ATP8A2: variants seen among roughly 807,000 people sequenced by gnomAD.
The protein encoded by ATP8A2 is ATPase phospholipid transporting 8A2, also known as phospholipid-transporting ATPase IB.
A neutral mutation model predicts 165.6 loss-of-function variants in ATP8A2; 100 were observed. The observed-to-expected ratio is 0.60, with a 90% CI of 0.51 to 0.71. The LOEUF (loss-of-function observed/expected upper bound fraction) is 0.71. Among genes scored for constraint, ATP8A2 ranks in the 30% least tolerant of loss-of-function variants. The probability of loss-of-function intolerance (pLI) is 0.00; values close to 1 mark genes in which losing one functional copy is unlikely to be tolerated. For synonymous variants in ATP8A2, 543 were observed against 548.8 expected (o/e 0.99, Z 0.15); for missense variants, 1,227 against 1,479.5 (o/e 0.83, Z 2.80).
intron 1 of ATP8A2, among the ~76,000 whole-genome samples, chr13:25,434,993 T>G (rs1040788907): frequency 6.6e-6 from 1 of 152,212 alleles, no homozygotes; most frequent in Non-Finnish European, 1.5e-5. Context: ...TCAGGCCCTC[T>G]GCTCTTCTTG....
chr13:25,773,653 AAGG>A (rs1405101857), intron 26 of ATP8A2, among the ~76,000 whole-genome samples: 1 of 152,194 alleles, frequency 6.6e-6, no homozygotes, highest in Non-Finnish European at 1.5e-5. Context: ...GGAGGCAAAA[AAGG>A]AGAAGACAAA....
At chr13:25,374,372 A>C (rs920025935) in intron 1 of ATP8A2, among the ~76,000 whole-genome samples, 7 of 152,248 alleles carry the variant, frequency 4.6e-5, no homozygotes, top group African/African-American at 1.7e-4. Flanking sequence ...GTAACAGGAC[A>C]GGAACTGGAA....
At chr13:25,600,598 T>G (rs1246705002) in intron 24 of ATP8A2, among the ~76,000 whole-genome samples, 2 of 152,180 alleles carry the variant, frequency 1.3e-5, no homozygotes, top group Non-Finnish European at 2.9e-5. Context: ...CAGAGCACTA[T>G]TGCTGCTACC....
intron 36 of ATP8A2, among the ~76,000 whole-genome samples, chr13:26,014,871 C>T (rs1956931860): frequency 6.6e-6 from 1 of 152,108 alleles, no homozygotes; most frequent in African/African-American, 2.4e-5. Context: ...CTTACACAGT[C>T]CTGTGAGTCT....
intron 1 of ATP8A2, among the ~76,000 whole-genome samples, chr13:25,377,675 C>T (rs908154852): frequency 5.3e-5 from 8 of 151,738 alleles, no homozygotes; most frequent in Admixed American, 4.6e-4. Flanking sequence ...GCCTGTAATC[C>T]CTGTAACTCG....
At chr13:25,976,329 CAT>C (rs1956035608) in intron 35 of ATP8A2, among the ~76,000 whole-genome samples, 2 of 152,154 alleles carry the variant, frequency 1.3e-5, no homozygotes, top group African/African-American at 4.8e-5. Context: ...AAAGTTTCCT[CAT>C]GTGCAGAAAA....
intron 1 of ATP8A2, among the ~76,000 whole-genome samples, chr13:25,390,130 A>G (rs2033192217): frequency 6.6e-6 from 1 of 152,220 alleles, no homozygotes; most frequent in African/African-American, 2.4e-5. Context: ...AGTAGCTGGG[A>G]ATACAGGCAT....
At chr13:25,436,649 T>C (rs1224187940) in intron 1 of ATP8A2, among the ~76,000 whole-genome samples, 1 of 152,204 alleles carries the variant, frequency 6.6e-6, no homozygotes, top group African/African-American at 2.4e-5. Context: ...GGTTGAATGG[T>C]AGTTCTGTTT....
At chr13:25,836,629 C>T (rs1446310561) in intron 28 of ATP8A2, among the ~76,000 whole-genome samples, 5 of 152,056 alleles carry the variant, frequency 3.3e-5, no homozygotes, top group Non-Finnish European at 7.3e-5. Flanking sequence ...GATGGCGTTC[C>T]TGGAGGTCCT....
intron 2 of ATP8A2, among the ~76,000 whole-genome samples, chr13:25,485,403 C>T (rs1329018297): frequency 1.3e-5 from 2 of 152,228 alleles, no homozygotes; most frequent in Non-Finnish European, 2.9e-5. Context: ...CAGAAAACAA[C>T]ATAAGGGAAG....
At chr13:25,754,194 T>G (rs1419733673) in intron 25 of ATP8A2, among the ~76,000 whole-genome samples, 1 of 152,236 alleles carries the variant, frequency 6.6e-6, no homozygotes, top group East Asian at 1.9e-4. Context: ...TATTTTTCTT[T>G]GTTCTGCTAA....
intron 24 of ATP8A2, among the ~76,000 whole-genome samples, chr13:25,599,096 A>G (rs2040313207): frequency 1.3e-5 from 2 of 152,058 alleles, no homozygotes; most frequent in South Asian, 4.1e-4. Flanking sequence ...GAAAAAATAT[A>G]TGTATCTATT....
intron 24 of ATP8A2, among the ~76,000 whole-genome samples, chr13:25,599,154 C>T (rs1347158430): frequency 6.6e-6 from 1 of 152,158 alleles, no homozygotes; most frequent in East Asian, 1.9e-4. Flanking sequence ...TGTACATGTG[C>T]ATAAATTAGC....
At chr13:25,874,024 G>A (rs181278382) in intron 33 of ATP8A2, among the ~76,000 whole-genome samples, 77 of 152,338 alleles carry the variant, frequency 5.1e-4, no homozygotes, top group African/African-American at 1.8e-3. Flanking sequence ...GACAATTGCA[G>A]TAGTCTCATG....
At chr13:25,960,276 C>T (rs1369879089) in intron 33 of ATP8A2, among the ~76,000 whole-genome samples, 6 of 152,284 alleles carry the variant, frequency 3.9e-5, no homozygotes, top group East Asian at 1.9e-4. Context: ...GGATGGAAAC[C>T]GAAGAGTGGG....
chr13:25,773,520 A>G (rs2044672783), intron 26 of ATP8A2, among the ~76,000 whole-genome samples: 1 of 152,094 alleles, frequency 6.6e-6, no homozygotes, highest in Admixed American at 6.5e-5. Context: ...GGATTCCTGA[A>G]TGTTACTGGA....
chr13:25,440,789 C>T (rs181281696), intron 1 of ATP8A2, among the ~76,000 whole-genome samples: 1 of 152,240 alleles, frequency 6.6e-6, no homozygotes, highest in East Asian at 1.9e-4. Flanking sequence ...GATTATAGGT[C>T]ATATAGCTTA....
intron 24 of ATP8A2, among the ~76,000 whole-genome samples, chr13:25,607,408 C>T (rs1212917927): frequency 6.6e-6 from 1 of 152,084 alleles, no homozygotes; most frequent in Non-Finnish European, 1.5e-5. Flanking sequence ...GTACAGATGC[C>T]CCTCGACTCA....
intron 1 of ATP8A2, among the ~76,000 whole-genome samples, chr13:25,462,802 G>A (rs1352419672): frequency 6.6e-6 from 1 of 152,098 alleles, no homozygotes; most frequent in Non-Finnish European, 1.5e-5. Context: ...AGGAACTCAG[G>A]TGTGCACAGA....
Sources: gnomAD v4.1 joint callset for allele counts (sites outside exome capture counted in the v4.1 genomes callset) on GRCh38, gnomAD v4.1.1 for gene constraint, MANE v1.5 for transcripts, NCBI Gene and HGNC (gene_info 2026-07-23, HGNC 2026-07-21) for gene names.